SULF2: variants seen among roughly 807,000 people sequenced by gnomAD.
The protein encoded by SULF2 is extracellular sulfatase Sulf-2.
SULF2 carries 52 observed loss-of-function variants against 107.7 expected under a neutral mutation model. The ratio of observed to expected loss-of-function variants is 0.48; its 90% CI spans 0.39 to 0.61. SULF2 has a LOEUF of 0.61. Among genes scored for constraint, SULF2 ranks in the 20% least tolerant of loss-of-function variants. SULF2 has a pLI of 0.00. For missense variants in SULF2, 993 were observed against 1,177.3 expected (o/e 0.84, Z 2.29); for synonymous variants, 460 against 464.3 (o/e 0.99, Z 0.12).
rs919765069 is a variant in SULF2, at chr20:47,678,956, C to T, written c.1065-152G>A. On this transcript the variant is annotated intron_variant, in intron 7 of 20. Coordinates refer to ENST00000688720, the MANE Select transcript of SULF2 (RefSeq NM_001387048.1). The surrounding 1 kb of genome is among the most constrained non-coding windows in gnomAD (Gnocchi z 4.5). The stretch of plus-strand genomic sequence containing the variant: ...CAGTCTGGCACCTCAACCTCAGCAG[C>T]TCCCCTCTGCGGCCCAGATTCAGCT... 2.2e-5 allele frequency: 15 copies of T among 668,568 alleles called. No homozygotes were observed. In the African/African-American group the frequency reaches 2.7e-4, roughly 12 times the overall value. 41.4% of individuals were successfully genotyped at this position (668,568 alleles called of 1,614,324 possible). A position where few individuals can be genotyped will look rare whatever the true frequency, so the allele number is the denominator to read the frequency against.
chr20:47,667,956 C>T (rs1216216221), intron 11 of SULF2, among the ~76,000 whole-genome samples: 1 of 152,226 alleles, frequency 6.6e-6, no homozygotes, highest in African/African-American at 2.4e-5. Flanking sequence ...CCGAAGGATC[C>T]TGAGGGGCCG....
At chr20:47,681,230 C>A (rs546528541) in intron 7 of SULF2, among the ~76,000 whole-genome samples, 9 of 152,298 alleles carry the variant, frequency 5.9e-5, no homozygotes, top group Admixed American at 3.9e-4. Flanking sequence ...TGGAGCTGTG[C>A]ATGGACTTTT....
chr20:47,749,414 G>A (rs950887599), intron 2 of SULF2, among the ~76,000 whole-genome samples: 5 of 152,232 alleles, frequency 3.3e-5, no homozygotes, highest in Non-Finnish European at 5.9e-5. Flanking sequence ...GTGTGGGTCC[G>A]AATGAGCCTC....
intron 7 of SULF2, 35 bp downstream of exon 7, chr20:47,682,959 G>A (rs555914754): frequency 1.7e-5 from 26 of 1,550,084 alleles, no homozygotes; most frequent in Non-Finnish European, 2.1e-5. Flanking sequence ...TGGGCCCAGG[G>A]GCCTCCCTGG....
chr20:47,777,355 G>T (rs1341564188), intron 1 of SULF2, among the ~76,000 whole-genome samples: 2 of 152,104 alleles, frequency 1.3e-5, no homozygotes, highest in African/African-American at 4.8e-5. Flanking sequence ...CTGATTAAAA[G>T]AGAGACAGCA....
At chr20:47,664,388 T>C (rs941917879) in intron 14 of SULF2, among the ~76,000 whole-genome samples, 199 bp from the exon 15 acceptor site, 1 of 152,350 alleles carries the variant, frequency 6.6e-6, no homozygotes, top group East Asian at 1.9e-4. Context: ...TCTCCAAGCA[T>C]GAGCCAGGAC....
At chr20:47,756,085 G>A (rs1023006920) in intron 2 of SULF2, among the ~76,000 whole-genome samples, 1 of 152,200 alleles carries the variant, frequency 6.6e-6, no homozygotes, top group Non-Finnish European at 1.5e-5. Flanking sequence ...AACGTGCAGG[G>A]CATCGGAAAT....
At chr20:47,783,636 A>G (rs1012114535) in intron 1 of SULF2, among the ~76,000 whole-genome samples, 3 of 152,230 alleles carry the variant, frequency 2.0e-5, no homozygotes, top group Non-Finnish European at 4.4e-5. Flanking sequence ...ATAAATTCAA[A>G]TAAAAAACCC....
At chr20:47,658,448 C>T in intron 20 of SULF2, 56 bp from the exon 21 acceptor site, 1 of 1,547,332 alleles carries the variant, frequency 6.5e-7, no homozygotes. Context: ...TTTATCATGA[C>T]TTCCTAATCG....
intron 1 of SULF2, among the ~76,000 whole-genome samples, chr20:47,782,318 A>G (rs1600704202): frequency 2.0e-5 from 3 of 152,330 alleles, no homozygotes; most frequent in African/African-American, 7.2e-5. Context: ...CAATTAGGCA[A>G]CCATGCCATT....
chr20:47,758,162 CTTTTT>C (rs373618271), intron 1 of SULF2, among the ~76,000 whole-genome samples: 272 of 122,446 alleles, frequency 2.2e-3, no homozygotes, highest in African/African-American at 7.8e-3. Context: ...AAAAGTATTC[CTTTTT>C]TTTTTTTTTT....
chr20:47,668,883 C>A (rs852255), intron 11 of SULF2, among the ~76,000 whole-genome samples: 3 of 152,086 alleles, frequency 2.0e-5, no homozygotes, highest in East Asian at 1.9e-4. Context: ...TGGGACTCAC[C>A]GCCCTGATTC....
intron 5 of SULF2, among the ~76,000 whole-genome samples, chr20:47,687,814 C>A (rs1172852873): frequency 6.6e-6 from 1 of 151,866 alleles, no homozygotes; most frequent in African/African-American, 2.4e-5. Context: ...CCCAAGTGAT[C>A]CTTCTGCTTC....
chr20:47,731,158 ACT>A (rs2089590517), intron 3 of SULF2, among the ~76,000 whole-genome samples: 1 of 139,394 alleles, frequency 7.2e-6, no homozygotes, highest in Admixed American at 7.3e-5. Flanking sequence ...ACAAGATCCG[ACT>A]CTGCCTGCTA....
intron 2 of SULF2, among the ~76,000 whole-genome samples, chr20:47,753,890 T>G (rs574610610): frequency 1.3e-5 from 2 of 152,230 alleles, no homozygotes; most frequent in Admixed American, 6.5e-5. Flanking sequence ...TACCTCCATG[T>G]GCTTCCCTCT....
chr20:47,706,085 C>T (rs893393158), intron 3 of SULF2, among the ~76,000 whole-genome samples: 2 of 152,116 alleles, frequency 1.3e-5, no homozygotes, highest in East Asian at 3.9e-4. Flanking sequence ...AGATGTGAGC[C>T]ACCATACGTC....
chr20:47,665,793 G>T, intron 13 of SULF2, 64 bp downstream of exon 13: 1 of 1,414,280 alleles, frequency 7.1e-7, no homozygotes, highest in Non-Finnish European at 1.0e-6. Context: ...CTCCCACTGT[G>T]AACCGGGGGT....
intron 1 of SULF2, among the ~76,000 whole-genome samples, chr20:47,760,053 G>T (rs1402745518): frequency 5.3e-5 from 8 of 152,200 alleles, no homozygotes; most frequent in Non-Finnish European, 1.0e-4. Context: ...GCTGGACTTG[G>T]CAGGGCCGTG....
intron 2 of SULF2, among the ~76,000 whole-genome samples, chr20:47,742,648 T>G (rs1364631207): frequency 6.6e-6 from 1 of 152,220 alleles, no homozygotes; most frequent in African/African-American, 2.4e-5. Flanking sequence ...GATATTTGTA[T>G]TTAACGTGAT....
Sources: allele counts gnomAD v4.1 joint callset (sites outside exome capture counted in the v4.1 genomes callset), GRCh38; gene constraint gnomAD v4.1.1; non-coding constraint Gnocchi (gnomAD v3.1); transcripts MANE v1.5; gene names NCBI Gene and HGNC (gene_info 2026-07-23, HGNC 2026-07-21).